LMBRD2: variants seen among roughly 807,000 people sequenced by gnomAD.
The protein encoded by LMBRD2 is G protein-coupled receptor-associated protein LMBRD2.
In LMBRD2, 55 loss-of-function variants were observed where a neutral mutation model predicts 94.4. The ratio of observed to expected loss-of-function variants is 0.58; its 90% CI spans 0.47 to 0.73. LMBRD2 has a LOEUF of 0.73. LMBRD2 is among the 30% of genes least tolerant of loss of function. The probability of loss-of-function intolerance (pLI) is 0.00; values close to 1 mark genes in which losing one functional copy is unlikely to be tolerated. For synonymous variants in LMBRD2, 246 were observed against 272.4 expected (o/e 0.90, Z 0.95); for missense variants, 640 against 831.9 (o/e 0.77, Z 2.84).
intron 16 of LMBRD2, among the ~76,000 whole-genome samples, chr5:36,107,542 C>A (rs1193707936): frequency 6.6e-6 from 1 of 152,206 alleles, no homozygotes; most frequent in Non-Finnish European, 1.5e-5. Context: ...AATCACTCAA[C>A]CTATAGTTGA....
chr5:36,138,473 A>G (rs868428533), intron 4 of LMBRD2, among the ~76,000 whole-genome samples: 1 of 152,250 alleles, frequency 6.6e-6, no homozygotes, highest in African/African-American at 2.4e-5. Context: ...GTATAATTCT[A>G]TGCTTATAAA....
Position 36,122,896 on chromosome 5 carries a change from C to T in LMBRD2, c.888G>A (p.Lys296=), listed in dbSNP as rs1194648428. The change falls in exon 8 of 18, where the codon AAG becomes AAA. Residue 296 remains lysine, a synonymous_variant. Coordinates refer to ENST00000296603, the MANE Select transcript of LMBRD2 (RefSeq NM_001007527.2). ...NMDDYEDFDE[K]HSIYPSEKSL... ...TTTTTTCACTTGGATAGATACTATG[C>T]TTTTCATCAAAATCTTCATAATCAT... 1.4e-5 allele frequency: 22 copies of T among 1,587,098 alleles called. No individual in the cohort carries two copies. The highest frequency in any genetic ancestry group is 2.8e-5 in the African/African-American group (2 of 72,172).
chr5:36,126,208 T>TTGACTTGTTA (rs1744003621), intron 6 of LMBRD2, among the ~76,000 whole-genome samples: 1 of 151,576 alleles, frequency 6.6e-6, no homozygotes, highest in African/African-American at 2.4e-5. Flanking sequence ...TTAAAGTTTC[T>TTGACTTGTTA]TGACTTGTTA....
chr5:36,122,565 G>T, intron 8 of LMBRD2, 102 bp from the exon 9 acceptor site: 1 of 1,045,918 alleles, frequency 9.6e-7, no homozygotes, highest in Non-Finnish European at 1.4e-6. Context: ...ATGGGAAAGT[G>T]CTAGGGCATT....
At chr5:36,145,834 G>A (rs1744525504) in intron 1 of LMBRD2, among the ~76,000 whole-genome samples, 1 of 152,118 alleles carries the variant, frequency 6.6e-6, no homozygotes. Flanking sequence ...AAGAAATAAT[G>A]TTTGTTAAGA....
chr5:36,104,943 C>G (rs1006747231), intron 17 of LMBRD2, 125 bp downstream of exon 17: 94 of 880,794 alleles, frequency 1.1e-4, no homozygotes, highest in Non-Finnish European at 1.5e-4. Context: ...TGAAAATGAA[C>G]ATTTTCCTTT....
In LMBRD2 at chr5:36,111,185, C is replaced by G. The variant is rs747355869; in HGVS notation, c.1714G>C (p.Val572Leu). The G allele has an allele frequency of 5.7e-5, 91 of 1,609,502 alleles. 1 individual carries two copies. In the East Asian group the frequency reaches 1.9e-3, roughly 34 times the overall value. The change falls in exon 14 of 18, where the codon GTT becomes CTT. Residue 572 changes from valine (V) to leucine (L), a missense_variant. By Grantham distance (32) the Val-to-Leu change is conservative (BLOSUM62 1). Coordinates refer to ENST00000296603, the MANE Select transcript of LMBRD2 (RefSeq NM_001007527.2). ...CTGATTAATTCTTTTCCTTCATTAA[C>G]TAAGTCTGATGTCATATCATCATCT... is the stretch of plus-strand genomic sequence containing the variant. Reference protein sequence around the residue: ...MGDDDMTSDLVNEGKELIRKE... With the variant: ...MGDDDMTSDLLNEGKELIRKE...
chr5:36,110,062 G>T, intron 14 of LMBRD2, 71 bp from the exon 15 acceptor site: 1 of 1,135,962 alleles, frequency 8.8e-7, no homozygotes, highest in Non-Finnish European at 1.3e-6. Context: ...CTGAAGTAAA[G>T]ATAGCGGGCA....
chr5:36,136,720 A>T (rs1241336333), intron 5 of LMBRD2, among the ~76,000 whole-genome samples: 1 of 152,170 alleles, frequency 6.6e-6, no homozygotes, highest in African/African-American at 2.4e-5. Flanking sequence ...TATTAAACAA[A>T]AGAAGTTTGA....
At position 36,143,203 on chromosome 5, in the gene LMBRD2, G is replaced by A; in HGVS notation, c.147C>T (p.Val49=). Residue 49 remains valine (V), a synonymous_variant, in exon 2 of 18, where the codon GTC becomes GTT. Transcript: ENST00000296603. ...LLAWYLCFLI[V]FILPLDVSTT... ...TACTAACATCCAGAGGCAGTATGAA[G>A]ACAATAAGAAAGCAGAGATACCAAG... 1 of 1,611,658 alleles carries A rather than the reference G, an allele frequency of 6.2e-7. No individual in the cohort carries two copies. Among genetic ancestry groups the A allele is most frequent in the Non-Finnish European group, 8.5e-7 (1 of 1,178,610 alleles).
rs746966584 is a variant in LMBRD2, at chr5:36,117,902, A to G, written c.1135T>C (p.Cys379Arg). 1 of 1,611,302 alleles carries G rather than the reference A, an allele frequency of 6.2e-7. No individual in the cohort carries two copies. Among genetic ancestry groups the G allele is most frequent in the South Asian group, 1.1e-5 (1 of 90,276 alleles). ...YNPTFEWYWE[C>R]LLRPWFYKIL... ...TTGTAAAACCATGGTCGCAAAAGAC[A>G]TTCCCAGTACCATTCTAGAAGACAA... The change falls in exon 10 of 18, where the codon TGT becomes CGT. Residue 379 changes from cysteine to arginine, a missense_variant. This residue lies in a region of LMBRD2 where 457 missense variants were observed against 642.8 expected (regional missense o/e 0.71). Transcript: ENST00000296603.
At chr5:36,109,469 T>G (rs560363781) in intron 15 of LMBRD2, among the ~76,000 whole-genome samples, 2 of 152,112 alleles carry the variant, frequency 1.3e-5, no homozygotes, top group Non-Finnish European at 2.9e-5. Context: ...GTTAAAAAAA[T>G]GTGTGGTAAT....
intron 1 of LMBRD2, among the ~76,000 whole-genome samples, chr5:36,148,368 T>C (rs73080006): frequency 1.3e-3 from 201 of 152,252 alleles, no homozygotes; most frequent in African/African-American, 4.5e-3. Context: ...CATACTGTCC[T>C]GCTTTACCTT....
intron 6 of LMBRD2, among the ~76,000 whole-genome samples, chr5:36,132,412 T>G (rs1744175760): frequency 6.6e-6 from 1 of 151,964 alleles, no homozygotes; most frequent in Admixed American, 6.6e-5. Flanking sequence ...AAAATTTATT[T>G]AGTAATAACC....
intron 1 of LMBRD2, among the ~76,000 whole-genome samples, chr5:36,146,789 GTA>G (rs1184389686): frequency 6.6e-6 from 1 of 152,104 alleles, no homozygotes; most frequent in Non-Finnish European, 1.5e-5. Flanking sequence ...ATGTGGCTCT[GTA>G]TATGTTTTTA....
At chr5:36,133,251 A>C (rs1744194686) in intron 6 of LMBRD2, among the ~76,000 whole-genome samples, 1 of 152,126 alleles carries the variant, frequency 6.6e-6, no homozygotes, top group Admixed American at 6.5e-5. Flanking sequence ...CATTTGCAAT[A>C]ATATGGGTGG....
intron 17 of LMBRD2, 57 bp downstream of exon 17, chr5:36,105,011 T>G (rs900966748): frequency 6.6e-7 from 1 of 1,521,188 alleles, no homozygotes; most frequent in Non-Finnish European, 9.0e-7. Context: ...GTCAAGTCAA[T>G]GTGTTATTAA....
intron 11 of LMBRD2, among the ~76,000 whole-genome samples, chr5:36,115,644 T>A (rs1057300676): frequency 5.3e-5 from 8 of 151,860 alleles, no homozygotes; most frequent in South Asian, 2.1e-4. Flanking sequence ...TAAAAAAAAA[T>A]AATATGAGAT....
intron 11 of LMBRD2, 66 bp from the exon 12 acceptor site, chr5:36,115,186 T>C (rs1015530107): frequency 2.2e-6 from 2 of 890,496 alleles, no homozygotes; most frequent in Non-Finnish European, 3.5e-6. Context: ...TATAGTATAC[T>C]GAGATGTATT....
Sources: gnomAD v4.1 joint callset for allele counts (sites outside exome capture counted in the v4.1 genomes callset) on GRCh38, gnomAD v4.1.1 for gene constraint, gnomAD v4.1.1 regional missense constraint, MANE v1.5 for transcripts, NCBI Gene and HGNC (gene_info 2026-07-23, HGNC 2026-07-21) for gene names.